The following NUSAP1 variants were observed in gnomAD, a reference collection of about 807,000 sequenced individuals.
NUSAP1 encodes nucleolar and spindle associated protein 1, also known as nucleolar and spindle-associated protein 1.
In NUSAP1, 32 loss-of-function variants were observed where a neutral mutation model predicts 52.8. That is an observed-to-expected ratio of 0.61 (90% confidence interval 0.46 to 0.81). The LOEUF is 0.81. Among genes scored for constraint, NUSAP1 ranks in the 40% least tolerant of loss-of-function variants. NUSAP1 has a pLI of 0.00. For synonymous variants in NUSAP1, 195 were observed against 183.1 expected (o/e 1.06, Z -0.52); for missense variants, 499 against 522.3 (o/e 0.96, Z 0.43).
At chr15:41,353,996 A>G (rs183362722) in intron 4 of NUSAP1, among the ~76,000 whole-genome samples, 32 of 152,334 alleles carry the variant, frequency 2.1e-4, no homozygotes, top group African/African-American at 7.7e-4. Context: ...AAAAATAAAG[A>G]AACGACAGAA....
At chr15:41,352,222 G>T (rs1036550648) in intron 4 of NUSAP1, among the ~76,000 whole-genome samples, 1 of 152,032 alleles carries the variant, frequency 6.6e-6, no homozygotes, top group African/African-American at 2.4e-5. Flanking sequence ...GATTACAGGC[G>T]TGAGCCACCG....
intron 2 of NUSAP1, among the ~76,000 whole-genome samples, chr15:41,345,052 T>G (rs2048512325): frequency 6.6e-6 from 1 of 152,088 alleles, no homozygotes; most frequent in African/African-American, 2.4e-5. Context: ...CAGGCTGGAG[T>G]GCAGTGGTAC....
intron 1 of NUSAP1, among the ~76,000 whole-genome samples, chr15:41,340,716 C>A (rs533238937): frequency 6.6e-6 from 1 of 152,274 alleles, no homozygotes; most frequent in Non-Finnish European, 1.5e-5. Context: ...GAATTCTGCC[C>A]TGCCAATCAT....
intron 6 of NUSAP1, among the ~76,000 whole-genome samples, chr15:41,358,598 G>A (rs1595568601): frequency 6.6e-6 from 1 of 152,108 alleles, no homozygotes; most frequent in East Asian, 1.9e-4. Context: ...ATTAGTAGGG[G>A]GTGGCACATG....
At chr15:41,351,241 G>A in intron 4 of NUSAP1, 112 bp downstream of exon 4, 1 of 1,056,842 alleles carries the variant, frequency 9.5e-7, no homozygotes, top group South Asian at 1.8e-5. Flanking sequence ...CAACTGGGCA[G>A]CTTAGAACAA....
At chr15:41,355,592 G>A (rs889038974) in intron 4 of NUSAP1, among the ~76,000 whole-genome samples, 3 of 152,000 alleles carry the variant, frequency 2.0e-5, no homozygotes, top group Non-Finnish European at 2.9e-5. Context: ...TGCTCCCTAT[G>A]TGCTGTTTCT....
At chr15:41,335,816 A>C (rs1305570900) in intron 1 of NUSAP1, among the ~76,000 whole-genome samples, 1 of 146,850 alleles carries the variant, frequency 6.8e-6, no homozygotes, top group African/African-American at 2.5e-5. Context: ...AAATATACTA[A>C]ATATACTATA....
At chr15:41,374,376 G>A (rs1191156282) in intron 8 of NUSAP1, among the ~76,000 whole-genome samples, 1 of 152,100 alleles carries the variant, frequency 6.6e-6, no homozygotes, top group Non-Finnish European at 1.5e-5. Flanking sequence ...CAGAAAGAGA[G>A]CTAGAGAAAA....
At chr15:41,338,771 C>T (rs2048266129) in intron 1 of NUSAP1, among the ~76,000 whole-genome samples, 1 of 151,288 alleles carries the variant, frequency 6.6e-6, no homozygotes, top group South Asian at 2.1e-4. Context: ...GCCTGGCCAG[C>T]ATGGCAAAAC....
At position 41,380,159 on chromosome 15, in the gene NUSAP1, A is replaced by G. The variant is rs747997556; in HGVS notation, c.1299A>G (p.Arg433=). 1.3e-6 allele frequency: 2 copies of G among 1,583,756 alleles called. No homozygotes were observed. Among genetic ancestry groups the G allele is most frequent in the African/African-American group, 1.3e-5 (1 of 74,228 alleles). ...KEKKAKVLGM[R]RGLILAED ...AGAAAGCAAAGGTTTTGGGAATGCG[A>G]AGGGGCCTCATTTTGGCTGAAGATT... Residue 433 remains arginine, a synonymous_variant, in exon 11 of 11, where the codon CGA becomes CGG. Coordinates refer to ENST00000559596, the MANE Select transcript of NUSAP1 (RefSeq NM_016359.5).
intron 6 of NUSAP1, among the ~76,000 whole-genome samples, chr15:41,358,633 G>A (rs1300427886): frequency 6.6e-6 from 1 of 152,160 alleles, no homozygotes; most frequent in African/African-American, 2.4e-5. Context: ...TACTCAGGAG[G>A]CTGAGGCAGG....
chr15:41,370,327 A>T (rs1396690187), intron 7 of NUSAP1, among the ~76,000 whole-genome samples: 4 of 152,156 alleles, frequency 2.6e-5, no homozygotes, highest in African/African-American at 9.7e-5. Context: ...GCTTGCAGTT[A>T]GCTGAGATCG....
rs1342498100 is a variant in NUSAP1 at position 41,365,439 on chromosome 15, T to C, written c.698T>C (p.Val233Ala). The C allele has an allele frequency of 1.2e-6, 2 of 1,612,930 alleles. No individual in the cohort carries two copies. Among genetic ancestry groups the C allele is most frequent in the Admixed American group, 1.7e-5 (1 of 59,862 alleles). ...AATAAGGGAGGGGTCAGGACTCCAG[T>C]ACCTCCAAGAGGAAGACTCTCTGTG... is the stretch of plus-strand genomic sequence containing the variant. ...PINKGGVRTP[V>A]PPRGRLSVAS... The change falls in exon 7 of 11, where the codon GTA becomes GCA. Residue 233 changes from valine to alanine, a missense_variant. Val to Ala is a moderately conservative substitution (Grantham distance 64). Coordinates refer to ENST00000559596, the MANE Select transcript of NUSAP1 (RefSeq NM_016359.5).
intron 5 of NUSAP1, 118 bp from the exon 6 acceptor site, chr15:41,358,031 T>G: frequency 1.9e-6 from 1 of 514,456 alleles, no homozygotes; most frequent in Non-Finnish European, 3.5e-6. Context: ...TAGCAAAAAT[T>G]ATATTGAAGT....
At chr15:41,378,731 T>C (rs2050077720) in intron 10 of NUSAP1, among the ~76,000 whole-genome samples, 1 of 151,578 alleles carries the variant, frequency 6.6e-6, no homozygotes, top group Admixed American at 6.6e-5. Flanking sequence ...AATTGCACCA[T>C]TGCACTACAG....
At chr15:41,335,424 G>C (rs1013231897) in intron 1 of NUSAP1, among the ~76,000 whole-genome samples, 8 of 138,042 alleles carry the variant, frequency 5.8e-5, no homozygotes, top group Non-Finnish European at 1.2e-4. Context: ...ATATGTACTA[G>C]ATAAATATAC....
chr15:41,354,715 T>A (rs2048899419), intron 4 of NUSAP1, among the ~76,000 whole-genome samples: 1 of 150,804 alleles, frequency 6.6e-6, no homozygotes. Context: ...AAATAATTTT[T>A]TAGTAATAGA....
Position 41,348,807 on chromosome 15 carries a change from T to G in NUSAP1, c.163-291T>G, listed in dbSNP as rs566869565. On this transcript the variant is annotated intron_variant, in intron 2 of 10. Coordinates refer to ENST00000559596, the MANE Select transcript of NUSAP1 (RefSeq NM_016359.5). ...GCATGCACCACCATGCCCGGGTAAT[T>G]TTCTATTTTTAGTAGAGATGGAGTT... Among the ~76,000 whole-genome samples the G allele has an allele frequency of 3.9e-4, 60 of 151,976 alleles. 2 individuals carry two copies. The South Asian group carries it at 0.012, about 31-fold the overall frequency.
At chr15:41,378,454 C>T (rs2050063238) in intron 10 of NUSAP1, among the ~76,000 whole-genome samples, 1 of 152,170 alleles carries the variant, frequency 6.6e-6, no homozygotes. Context: ...TCAGTTGACT[C>T]ATGGCTATAC....
Sources: allele counts gnomAD v4.1 joint callset (sites outside exome capture counted in the v4.1 genomes callset), GRCh38; gene constraint gnomAD v4.1.1; transcripts MANE v1.5; gene names NCBI Gene and HGNC (gene_info 2026-07-23, HGNC 2026-07-21).